TMEM117: variants seen among roughly 807,000 people sequenced by gnomAD.
The protein encoded by TMEM117 is transmembrane protein 117.
In TMEM117, 27 loss-of-function variants were observed where a neutral mutation model predicts 52.4. That is an observed-to-expected ratio of 0.51 (90% CI 0.38 to 0.71). The LOEUF (loss-of-function observed/expected upper bound fraction) is 0.71, where lower values mean the gene tolerates loss of function less well. Among genes scored for constraint, TMEM117 ranks in the 30% least tolerant of loss-of-function variants. TMEM117 has a pLI of 0.00. For missense variants in TMEM117, 556 were observed against 630.5 expected (o/e 0.88, Z 1.26); for synonymous variants, 215 against 206.3 (o/e 1.04, Z -0.36).
intron 5 of TMEM117, among the ~76,000 whole-genome samples, chr12:44,247,446 A>G (rs1950144465): frequency 6.6e-6 from 1 of 152,216 alleles, no homozygotes; most frequent in Non-Finnish European, 1.5e-5. Flanking sequence ...TAAATTTATA[A>G]TTGATACAAC....
At chr12:44,196,756 A>T (rs986119941) in intron 4 of TMEM117, among the ~76,000 whole-genome samples, 2 of 152,212 alleles carry the variant, frequency 1.3e-5, no homozygotes, top group Non-Finnish European at 2.9e-5. Flanking sequence ...ATTCCATAAC[A>T]TTATAATTAT....
intron 5 of TMEM117, among the ~76,000 whole-genome samples, chr12:44,277,626 T>C (rs1950529969): frequency 6.6e-6 from 1 of 152,114 alleles, no homozygotes; most frequent in Non-Finnish European, 1.5e-5. Context: ...ATTTTCTTAT[T>C]GTCTGTCTCG....
At chr12:44,287,742 T>G (rs987093822) in intron 5 of TMEM117, among the ~76,000 whole-genome samples, 1 of 152,250 alleles carries the variant, frequency 6.6e-6, no homozygotes, top group Non-Finnish European at 1.5e-5. Context: ...AAAACTGTCA[T>G]GAGTCAGCCT....
intron 2 of TMEM117, among the ~76,000 whole-genome samples, chr12:43,860,816 A>G (rs1220203025): frequency 1.3e-5 from 2 of 152,244 alleles, no homozygotes; most frequent in Non-Finnish European, 2.9e-5. Flanking sequence ...ATAAACATAT[A>G]AATCCGTATA....
intron 2 of TMEM117, among the ~76,000 whole-genome samples, chr12:43,892,636 A>G (rs1944128050): frequency 6.6e-6 from 1 of 152,158 alleles, no homozygotes. Context: ...GTGTAGCTCT[A>G]ATCTAACTTC....
At chr12:43,988,459 A>C (rs1410414461) in intron 3 of TMEM117, among the ~76,000 whole-genome samples, 1 of 152,162 alleles carries the variant, frequency 6.6e-6, no homozygotes, top group East Asian at 1.9e-4. Context: ...TTCATATGGT[A>C]GTGCTTTATT....
chr12:44,151,042 T>A (rs1452782473), intron 4 of TMEM117, among the ~76,000 whole-genome samples: 1 of 152,080 alleles, frequency 6.6e-6, no homozygotes, highest in East Asian at 1.9e-4. Flanking sequence ...GAATATAAAT[T>A]TTATATTCAT....
chr12:44,346,554 G>T (rs1761515132), intron 6 of TMEM117, among the ~76,000 whole-genome samples: 1 of 152,030 alleles, frequency 6.6e-6, no homozygotes, highest in Non-Finnish European at 1.5e-5. Context: ...TACTCATTGG[G>T]TCTATTTGTC....
intron 2 of TMEM117, among the ~76,000 whole-genome samples, chr12:43,856,703 T>C (rs765124797): frequency 9.2e-5 from 14 of 152,220 alleles, no homozygotes; most frequent in Non-Finnish European, 1.6e-4. Context: ...TCCTTTTTAT[T>C]TCTGACTGGT....
At chr12:43,801,268 A>G in the TMEM117 span, among the ~76,000 whole-genome samples, 1 of 152,178 alleles carries the variant, frequency 6.6e-6, no homozygotes, top group Non-Finnish European at 1.5e-5. Flanking sequence ...AGGGACACAA[A>G]GATGGAAAAA....
At chr12:44,109,644 G>A in intron 3 of TMEM117, among the ~76,000 whole-genome samples, 1 of 63,642 alleles carries the variant, frequency 1.6e-5, no homozygotes, top group Non-Finnish European at 2.7e-5. Context: ...GTAGTGTGAT[G>A]CCTCCAGCTT....
intron 6 of TMEM117, among the ~76,000 whole-genome samples, chr12:44,367,134 T>A (rs2138824639): frequency 6.6e-6 from 1 of 152,258 alleles, no homozygotes. Context: ...TTGAAACTAA[T>A]CTAATCATAG....
intron 5 of TMEM117, among the ~76,000 whole-genome samples, chr12:44,225,725 C>T (rs1949852193): frequency 6.6e-6 from 1 of 152,136 alleles, no homozygotes; most frequent in Non-Finnish European, 1.5e-5. Flanking sequence ...AGCATCATTG[C>T]TTCTTATAAA....
At chr12:43,915,947 T>TC (rs1198547963) in intron 2 of TMEM117, among the ~76,000 whole-genome samples, 2 of 152,098 alleles carry the variant, frequency 1.3e-5, no homozygotes, top group Non-Finnish European at 2.9e-5. Context: ...CCATCCCCAC[T>TC]CTAACAACTC....
intron 3 of TMEM117, among the ~76,000 whole-genome samples, chr12:43,995,168 G>A (rs1946006406): frequency 6.6e-6 from 1 of 152,010 alleles, no homozygotes; most frequent in South Asian, 2.1e-4. Flanking sequence ...TTACTCAGGA[G>A]GCTGAGGGAG....
chr12:44,295,953 T>C (rs1758080442), intron 5 of TMEM117, among the ~76,000 whole-genome samples: 1 of 152,222 alleles, frequency 6.6e-6, no homozygotes. Flanking sequence ...AAATACCTGT[T>C]CAAGTCTTTA....
chr12:44,297,289 C>T (rs555654211), intron 5 of TMEM117, among the ~76,000 whole-genome samples: 5 of 152,158 alleles, frequency 3.3e-5, no homozygotes, highest in South Asian at 2.1e-4. Context: ...ATTAATTCTT[C>T]TTAATCAACT....
At chr12:44,115,476 C>A (rs904122863) in intron 3 of TMEM117, among the ~76,000 whole-genome samples, 3 of 152,084 alleles carry the variant, frequency 2.0e-5, no homozygotes, top group Admixed American at 6.5e-5. Context: ...CCCGCTATGC[C>A]ATTCCTGATC....
chr12:43,798,601 AAAAC>A, the TMEM117 span: 1 of 1,520,538 alleles, frequency 6.6e-7, no homozygotes, highest in Non-Finnish European at 8.8e-7. Context: ...TGCAAGAAAT[AAAAC>A]AAACTATCAA....
Sources: allele counts gnomAD v4.1 joint callset (sites outside exome capture counted in the v4.1 genomes callset), GRCh38; gene constraint gnomAD v4.1.1; transcripts MANE v1.5; gene names NCBI Gene and HGNC (gene_info 2026-07-23, HGNC 2026-07-21).